RPAIN: variants seen among roughly 807,000 people sequenced by gnomAD.
RPAIN encodes the protein RPA-interacting protein.
In RPAIN, 29 loss-of-function variants were observed where a neutral mutation model predicts 30.5. The ratio of observed to expected loss-of-function variants is 0.95; its 90% CI spans 0.71 to 1.30. RPAIN has a LOEUF of 1.30. Ranked by LOEUF, RPAIN falls within the 50% of genes most tolerant of loss-of-function variation. RPAIN has a pLI of 0.00. For synonymous variants in RPAIN, 101 were observed against 93.5 expected (o/e 1.08, Z -0.46); for missense variants, 247 against 264.7 (o/e 0.93, Z 0.46).
rs1158841534 is a variant in RPAIN at position 5,432,712 on chromosome 17, G to A, written c.*141G>A. 7 of 909,802 alleles carry A rather than the reference G, an allele frequency of 7.7e-6. No individual in the cohort carries two copies. The highest frequency in any genetic ancestry group is 3.6e-5 in the South Asian group (2 of 56,252). 56.4% of individuals were successfully genotyped at this position (909,802 alleles called of 1,614,324 possible). A position where few individuals can be genotyped will look rare whatever the true frequency, so the allele number is the denominator to read the frequency against. ...ATACTGAAGAAAAAAAAACTTTTCC[G>A]ACATCTGTTCTTGGTCTTTTGTGAC... On this transcript the variant is annotated 3_prime_UTR_variant, in exon 7 of 7. Transcript: ENST00000381209.
At chr17:5,421,708 A>G (rs1914860304) in intron 2 of RPAIN, 4 of 329,616 alleles carry the variant, frequency 1.2e-5, no homozygotes, top group South Asian at 2.2e-4. Context: ...GAAACTAAAA[A>G]GAAAGAAATT....
chr17:5,420,772 T>C (rs1395572309), intron 1 of RPAIN, among the ~76,000 whole-genome samples: 1 of 152,206 alleles, frequency 6.6e-6, no homozygotes, highest in Non-Finnish European at 1.5e-5. Flanking sequence ...TTCTCAGCCT[T>C]GACAATGGAC....
In RPAIN at chr17:5,428,200, A is replaced by T. The variant is rs1301359748; in HGVS notation, c.619A>T (p.Met207Leu). 4 of 1,614,116 alleles carry T rather than the reference A, an allele frequency of 2.5e-6. No individual in the cohort carries two copies. In the South Asian group the frequency reaches 3.3e-5, roughly 13 times the overall value. ...AACAGAAGAAAAGTCCAGTCTTCTC[A>T]TGAGCTGTCTGGTAAGCGTCTCCTG... ...GGTEEKSSLLMSCLACDTWAV... is the reference protein window; with the variant it reads ...GGTEEKSSLLLSCLACDTWAV... The change falls in exon 6 of 7, where the codon ATG becomes TTG. Residue 207 changes from methionine to leucine, a missense_variant. Met to Leu is a conservative substitution (Grantham distance 15). Transcript: ENST00000381209.
In RPAIN at chr17:5,420,244, C is replaced by G. The variant is rs2151654919; in HGVS notation, c.34C>G (p.Leu12Val). 1 of 1,613,920 alleles carries G rather than the reference C, an allele frequency of 6.2e-7. No homozygotes were observed. The highest frequency in any genetic ancestry group is 1.1e-5 in the South Asian group (1 of 91,060). Residue 12 changes from leucine to valine, a missense_variant, in exon 1 of 7, where the codon CTG (leucine) becomes GTG (valine). Coordinates refer to ENST00000381209, the MANE Select transcript of RPAIN (RefSeq NM_001033002.4). Reference protein sequence around the residue: ...AESLRSPRRSLYKLVGSPPWK... With the variant: ...AESLRSPRRSVYKLVGSPPWK... Reference sequence around the variant, plus strand: ...GTCGTTGAGGTCTCCGCGCCGCTCCCTGTACAAACTGGTGGGCTCGCCGCC... The same window carrying G: ...GTCGTTGAGGTCTCCGCGCCGCTCCGTGTACAAACTGGTGGGCTCGCCGCC...
intron 6 of RPAIN, chr17:5,428,611 G>T: frequency 1.1e-6 from 1 of 948,422 alleles, no homozygotes; most frequent in Non-Finnish European, 1.4e-6. Flanking sequence ...TGTCAGTGGA[G>T]TTTTTACAGA....
chr17:5,432,738 G>T lies in RPAIN; in HGVS notation c.*167G>T. ...ACATCTGTTCTTGGTCTTTTGTGAC[G>T]CAGGTTGAAGGGGGAGGAATAGAAA... On this transcript the variant is annotated 3_prime_UTR_variant, in exon 7 of 7. Transcript: ENST00000381209. The T allele has an allele frequency of 1.3e-6, 1 of 782,808 alleles. No individual in the cohort carries two copies. The allele number at this position is 782,808 out of a possible 1,614,324, so 48.5% of individuals were successfully genotyped here. A position where few individuals can be genotyped will look rare whatever the true frequency, so the allele number is the denominator to read the frequency against.
chr17:5,431,787 G>A, intron 6 of RPAIN: 1 of 380,426 alleles, frequency 2.6e-6, no homozygotes, highest in South Asian at 2.0e-5. Flanking sequence ...GATGGAATAT[G>A]CCAAACCGCC....
At chr17:5,430,819 G>C (rs919842056) in intron 6 of RPAIN, 2 of 152,704 alleles carry the variant, frequency 1.3e-5, no homozygotes, top group Admixed American at 6.5e-5. Flanking sequence ...AAGGTGAACA[G>C]TGAGTCATCC....
intron 3 of RPAIN, 110 bp downstream of exon 3, chr17:5,422,939 C>A: frequency 1.2e-6 from 1 of 841,120 alleles, no homozygotes; most frequent in Non-Finnish European, 1.9e-6. Flanking sequence ...CTCCATCAGT[C>A]AAGTGTCCAA....
rs1915658232 is a variant in RPAIN at position 5,428,913 on chromosome 17, T to G, written c.630+702T>G. 6.1e-6 allele frequency: 6 copies of G among 982,432 alleles called. No individual in the cohort carries two copies. In the South Asian group the frequency reaches 2.8e-4, roughly 46 times the overall value. 60.9% of individuals were successfully genotyped at this position (982,432 alleles called of 1,614,324 possible). A position where few individuals can be genotyped will look rare whatever the true frequency, so the allele number is the denominator to read the frequency against. ...GAAGTTCATAGCCATGGCTTTCTACTGGGAATTTAGAATTCCTTCATGGCC... is the reference window on the plus strand; with the variant it reads ...GAAGTTCATAGCCATGGCTTTCTACGGGGAATTTAGAATTCCTTCATGGCC... On this transcript the variant is annotated intron_variant, in intron 6 of 6. Transcript: ENST00000381209.
chr17:5,426,922 G>A (rs1915455353), intron 5 of RPAIN: 1 of 152,136 alleles, frequency 6.6e-6, no homozygotes, highest in Non-Finnish European at 1.5e-5. Flanking sequence ...GATTACAGGT[G>A]TGAGCCACCA....
chr17:5,420,719 A>G (rs1193215680), intron 1 of RPAIN, among the ~76,000 whole-genome samples: 1 of 152,188 alleles, frequency 6.6e-6, no homozygotes, highest in African/African-American at 2.4e-5. Context: ...GTAATGTCCA[A>G]GAAAGTAACC....
intron 3 of RPAIN, chr17:5,425,636 A>G (rs2151664898): frequency 2.7e-6 from 1 of 369,720 alleles, no homozygotes; most frequent in Admixed American, 4.2e-5. Context: ...GTGCCCGGCC[A>G]GCAATCAGTT....
chr17:5,427,659 A>G (rs1406908028), intron 5 of RPAIN: 1 of 163,550 alleles, frequency 6.1e-6, no homozygotes, highest in Non-Finnish European at 1.3e-5. Flanking sequence ...AAAACTTATT[A>G]TTTACATAAT....
chr17:5,426,525 C>G, intron 5 of RPAIN: 1 of 503,078 alleles, frequency 2.0e-6, no homozygotes, highest in Non-Finnish European at 3.6e-6. Flanking sequence ...GAGCCATCAC[C>G]GCTTAACGTT....
At chr17:5,424,663 C>T (rs1473602773) in intron 3 of RPAIN, among the ~76,000 whole-genome samples, 1 of 152,172 alleles carries the variant, frequency 6.6e-6, no homozygotes, top group African/African-American at 2.4e-5. Context: ...CACTTAATTT[C>T]CCCGTGCCTC....
chr17:5,423,989 GTA>G (rs1915135532), intron 3 of RPAIN, among the ~76,000 whole-genome samples: 1 of 133,212 alleles, frequency 7.5e-6, no homozygotes. Context: ...TTTTATTTAT[GTA>G]TTTTTTTTTT....
intron 5 of RPAIN, 69 bp downstream of exon 5, chr17:5,426,368 A>G (rs1915393650): frequency 1.5e-6 from 2 of 1,339,214 alleles, no homozygotes; most frequent in Non-Finnish European, 2.2e-6. Flanking sequence ...AAGATCCTCC[A>G]GTGCTGACTT....
chr17:5,421,260 T>C, intron 1 of RPAIN, 36 bp from the exon 2 acceptor site: 1 of 1,552,564 alleles, frequency 6.4e-7, no homozygotes, highest in Non-Finnish European at 8.7e-7. Flanking sequence ...TAGAAATGCT[T>C]TTTTTTTCCC....
Sources: allele counts gnomAD v4.1 joint callset (sites outside exome capture counted in the v4.1 genomes callset), GRCh38; gene constraint gnomAD v4.1.1; transcripts MANE v1.5; gene names NCBI Gene and HGNC (gene_info 2026-07-23, HGNC 2026-07-21).